Variants in PRR16 observed in about 807,000 individuals in gnomAD.
The protein encoded by PRR16 is proline rich 16.
In PRR16, 6 loss-of-function variants were observed where a neutral mutation model predicts 18.2. The observed-to-expected ratio is 0.33, with a 90% CI of 0.18 to 0.65. The LOEUF is 0.65. Ranked by LOEUF, PRR16 falls within the 30% of genes least tolerant of loss-of-function variation. The probability of loss-of-function intolerance (pLI) is 0.74; values close to 1 mark genes in which losing one functional copy is unlikely to be tolerated. For synonymous variants in PRR16, 151 were observed against 147.8 expected, an observed-to-expected ratio of 1.02 and a Z score of -0.16; for missense variants, 412 against 376.6, an observed-to-expected ratio of 1.09 and a Z score of -0.78.
intron 1 of PRR16, among the ~76,000 whole-genome samples, chr5:120,495,804 C>G (rs774906423): frequency 5.3e-5 from 8 of 151,910 alleles, no homozygotes; most frequent in Non-Finnish European, 7.4e-5. Flanking sequence ...GCTTTTATAT[C>G]CTTTTCTTGC....
chr5:120,532,839 T>G (rs1423976326), intron 1 of PRR16, among the ~76,000 whole-genome samples: 2 of 152,102 alleles, frequency 1.3e-5, no homozygotes, highest in African/African-American at 4.8e-5. Flanking sequence ...CAAAAGCCAT[T>G]TACCCCCAAA....
At chr5:120,656,467 CAAA>C (rs34228222) in intron 1 of PRR16, among the ~76,000 whole-genome samples, 9 of 93,476 alleles carry the variant, frequency 9.6e-5, no homozygotes, top group South Asian at 3.1e-4. Context: ...TAATCACTCT[CAAA>C]AAAAAAAAAA....
chr5:120,571,114 T>A (rs1317970678), intron 1 of PRR16, among the ~76,000 whole-genome samples: 1 of 152,190 alleles, frequency 6.6e-6, no homozygotes, highest in African/African-American at 2.4e-5. Context: ...GTTTTAAAAA[T>A]GTGTGCTTTT....
At chr5:120,624,395 G>A (rs1754794284) in intron 1 of PRR16, among the ~76,000 whole-genome samples, 1 of 152,144 alleles carries the variant, frequency 6.6e-6, no homozygotes, top group Non-Finnish European at 1.5e-5. Flanking sequence ...TGGTATGTAT[G>A]TAGAACAAAA....
the PRR16 span, among the ~76,000 whole-genome samples, chr5:120,692,590 G>A: frequency 4.6e-5 from 7 of 152,192 alleles, no homozygotes; most frequent in African/African-American, 1.4e-4. Context: ...GGAAGGAGAT[G>A]TGCATATGGG....
At chr5:120,674,901 A>G (rs1037762261) in intron 1 of PRR16, among the ~76,000 whole-genome samples, 1 of 151,804 alleles carries the variant, frequency 6.6e-6, no homozygotes, top group Non-Finnish European at 1.5e-5. Flanking sequence ...TTAAAATTTA[A>G]CATTTGTTTT....
At chr5:120,485,124 A>G (rs536297177) in intron 1 of PRR16, among the ~76,000 whole-genome samples, 1 of 152,170 alleles carries the variant, frequency 6.6e-6, no homozygotes, top group Non-Finnish European at 1.5e-5. Flanking sequence ...CGCATTTTAA[A>G]TGAGCAGTTA....
chr5:120,727,293 A>G, the PRR16 span, among the ~76,000 whole-genome samples: 1 of 151,962 alleles, frequency 6.6e-6, no homozygotes, highest in Non-Finnish European at 1.5e-5. Context: ...TTCTGGTTTT[A>G]TGGCTTCAAG....
chr5:120,495,802 A>G (rs566008848), intron 1 of PRR16, among the ~76,000 whole-genome samples: 6 of 152,084 alleles, frequency 3.9e-5, no homozygotes, highest in Admixed American at 1.3e-4. Context: ...TGGCTTTTAT[A>G]TCCTTTTCTT....
intron 1 of PRR16, among the ~76,000 whole-genome samples, chr5:120,518,218 A>G (rs919042851): frequency 6.6e-6 from 1 of 152,180 alleles, no homozygotes; most frequent in African/African-American, 2.4e-5. Flanking sequence ...CACTCAGAAA[A>G]GCAAGTTTTT....
chr5:120,617,619 A>C (rs1355682760), intron 1 of PRR16, among the ~76,000 whole-genome samples: 1 of 152,186 alleles, frequency 6.6e-6, no homozygotes, highest in Non-Finnish European at 1.5e-5. Flanking sequence ...AAATCAGTTT[A>C]CATTTTGATA....
At chr5:120,716,857 G>A in the PRR16 span, among the ~76,000 whole-genome samples, 1 of 152,082 alleles carries the variant, frequency 6.6e-6, no homozygotes, top group Admixed American at 6.6e-5. Context: ...GGGCAACAGA[G>A]CAAGACTCCA....
the PRR16 span, among the ~76,000 whole-genome samples, chr5:120,744,097 C>A: frequency 2.6e-5 from 4 of 152,024 alleles, no homozygotes; most frequent in South Asian, 8.3e-4. Flanking sequence ...ATGGCACTTG[C>A]TTTTGAGAAA....
chr5:120,711,150 C>A, the PRR16 span, among the ~76,000 whole-genome samples: 1 of 152,128 alleles, frequency 6.6e-6, no homozygotes, highest in Non-Finnish European at 1.5e-5. Context: ...TTTTTCCCAT[C>A]TCAAGGTTAG....
the PRR16 span, among the ~76,000 whole-genome samples, chr5:120,701,646 A>T: frequency 6.6e-6 from 1 of 152,124 alleles, no homozygotes; most frequent in Non-Finnish European, 1.5e-5. Flanking sequence ...GGCAAGGAGC[A>T]GCCTGGAGAG....
At chr5:120,479,247 TG>T (rs1459870918) in intron 1 of PRR16, among the ~76,000 whole-genome samples, 1 of 152,134 alleles carries the variant, frequency 6.6e-6, no homozygotes. Flanking sequence ...TCATTGCTTG[TG>T]GGGATTGAGT....
chr5:120,669,510 C>G (rs573193692), intron 1 of PRR16, among the ~76,000 whole-genome samples: 1 of 152,104 alleles, frequency 6.6e-6, no homozygotes, highest in East Asian at 1.9e-4. Flanking sequence ...ACAAATTACT[C>G]AGAATATTTA....
At chr5:120,555,252 T>C (rs1752371557) in intron 1 of PRR16, among the ~76,000 whole-genome samples, 1 of 151,958 alleles carries the variant, frequency 6.6e-6, no homozygotes, top group African/African-American at 2.4e-5. Context: ...CCCATAGGTG[T>C]CATATAAGAT....
chr5:120,487,831 G>A (rs149448913), intron 1 of PRR16, among the ~76,000 whole-genome samples: 1,676 of 152,146 alleles, frequency 0.011, 14 homozygotes, highest in East Asian at 0.033. Context: ...CAACAGTACC[G>A]AATTTATTGA....
Sources: gnomAD v4.1 joint callset for allele counts (sites outside exome capture counted in the v4.1 genomes callset) on GRCh38, gnomAD v4.1.1 for gene constraint, MANE v1.5 for transcripts, NCBI Gene and HGNC (gene_info 2026-07-23, HGNC 2026-07-21) for gene names.